The following RGS6 variants were observed in gnomAD, a reference collection of about 807,000 sequenced individuals.
The protein encoded by RGS6 is regulator of G protein signaling 6.
RGS6 carries 30 observed loss-of-function variants against 78.5 expected under a neutral mutation model. The observed-to-expected ratio is 0.38, with a 90% CI of 0.29 to 0.52. The LOEUF (loss-of-function observed/expected upper bound fraction) is 0.52. RGS6 is among the 20% of genes least tolerant of loss of function. The probability of loss-of-function intolerance (pLI) is 0.85; values close to 1 mark genes in which losing one functional copy is unlikely to be tolerated. For synonymous variants in RGS6, 206 were observed against 206.0 expected, an observed-to-expected ratio of 1.00 and a Z score of 0.00; for missense variants, 495 against 609.7, an observed-to-expected ratio of 0.81 and a Z score of 1.98.
At chr14:71,981,949 G>C (rs11851100) in intron 2 of RGS6, among the ~76,000 whole-genome samples, 1 of 151,450 alleles carries the variant, frequency 6.6e-6, no homozygotes, top group Admixed American at 6.6e-5. Flanking sequence ...CTCCGTGGGC[G>C]TAGGACCCTC....
Position 72,058,075 on chromosome 14 carries a change from GT to G in RGS6, c.84+93215del, listed in dbSNP as rs112257816. 3.9e-3 allele frequency among the ~76,000 whole-genome samples: 522 copies of G among 134,834 alleles called. 3 individuals carry two copies. Among genetic ancestry groups the G allele is most frequent in the South Asian group, 0.01 (41 of 4,096 alleles). 88.5% of individuals were successfully genotyped at this position (134,834 alleles called of 152,430 possible). On this transcript the variant is annotated intron_variant, in intron 2 of 17. Coordinates refer to ENST00000553525, the MANE Select transcript of RGS6 (RefSeq NM_001204424.2). Reference sequence around the variant, plus strand: ...CTATCATATTGTCAGTTTATGAGGTGTTTTTTTTTTTTTTTGCTTGTCTTCT... The same window carrying G: ...CTATCATATTGTCAGTTTATGAGGTGTTTTTTTTTTTTTTGCTTGTCTTCT...
chr14:72,086,680 C>T (rs142882841), intron 2 of RGS6, among the ~76,000 whole-genome samples: 231 of 152,318 alleles, frequency 1.5e-3, no homozygotes, highest in African/African-American at 5.2e-3. Flanking sequence ...ACCACCCTGC[C>T]TCCAATAATC....
In RGS6 at chr14:72,562,598, A is replaced by G. The variant is rs1378449560; in HGVS notation, c.*131A>G. On this transcript the variant is annotated 3_prime_UTR_variant, in exon 18 of 18. Transcript: ENST00000553525. ...TGAAGGAGAAAGAGTGAGGGCAATG[A>G]AGGGCGATGGTGGGGAGACTCGGTG... is the stretch of plus-strand genomic sequence containing the variant. 2.6e-6 allele frequency: 4 copies of G among 1,539,138 alleles called. No individual in the cohort carries two copies. Among genetic ancestry groups the G allele is most frequent in the Non-Finnish European group, 3.5e-6 (4 of 1,147,860 alleles).
Position 72,249,983 on chromosome 14 carries a change from C to T in RGS6, c.85-102112C>T, listed in dbSNP as rs187289423. Reference sequence around the variant, plus strand: ...GAAAACATCATTCTCAGTAAGCTGTCGCAAGAACAAAAAACCAAACACCGC... The same window carrying T: ...GAAAACATCATTCTCAGTAAGCTGTTGCAAGAACAAAAAACCAAACACCGC... On this transcript the variant is annotated intron_variant, in intron 2 of 17. Coordinates refer to ENST00000553525, the MANE Select transcript of RGS6 (RefSeq NM_001204424.2). 7.6e-3 allele frequency among the ~76,000 whole-genome samples: 1,142 copies of T among 150,306 alleles called. 15 individuals carry two copies. The highest frequency in any genetic ancestry group is 0.026 in the African/African-American group (1,054 of 40,772).
intron 3 of RGS6, among the ~76,000 whole-genome samples, chr14:72,437,553 G>T (rs902809432): frequency 6.6e-6 from 1 of 152,124 alleles, no homozygotes; most frequent in Non-Finnish European, 1.5e-5. Context: ...GCACCTGGGG[G>T]CAGGGGTAGT....
intron 7 of RGS6, among the ~76,000 whole-genome samples, chr14:72,467,279 A>G (rs930416697): frequency 1.3e-5 from 2 of 152,176 alleles, no homozygotes; most frequent in African/African-American, 4.8e-5. Context: ...TGAGCCATGA[A>G]TGACTGAAGG....
chr14:72,109,366 A>G lies in RGS6; in HGVS notation c.84+144491A>G, dbSNP rs143487216. On this transcript the variant is annotated intron_variant, in intron 2 of 17. Transcript: ENST00000553525. The stretch of plus-strand genomic sequence containing the variant: ...TTCATTGCTCTGTCTTTCGACATGT[A>G]GGGATTCTAGGAGTTCCAAAAACTG... 7.3e-3 allele frequency among the ~76,000 whole-genome samples: 1,106 copies of G among 152,306 alleles called. 37 individuals are homozygous for G. The highest frequency in any genetic ancestry group is 0.063 in the Admixed American group (964 of 15,286).
chr14:72,020,449 A>G (rs1299764550), intron 2 of RGS6, among the ~76,000 whole-genome samples: 4 of 152,178 alleles, frequency 2.6e-5, no homozygotes, highest in African/African-American at 9.7e-5. Context: ...GTACTTGGAA[A>G]AGCCTGTGGC....
chr14:72,184,968 A>G (rs2097219899), intron 2 of RGS6, among the ~76,000 whole-genome samples: 1 of 152,160 alleles, frequency 6.6e-6, no homozygotes, highest in South Asian at 2.1e-4. Context: ...CTGAGGAGCA[A>G]GGAAGCCAGT....
chr14:72,299,604 A>C (rs1405279814), intron 2 of RGS6, among the ~76,000 whole-genome samples: 1 of 152,242 alleles, frequency 6.6e-6, no homozygotes, highest in Non-Finnish European at 1.5e-5. Flanking sequence ...CCAGCAGTGC[A>C]GGAGGATTTC....
At chr14:72,154,734 T>G (rs888605757) in intron 2 of RGS6, among the ~76,000 whole-genome samples, 3 of 152,252 alleles carry the variant, frequency 2.0e-5, no homozygotes, top group Admixed American at 6.5e-5. Flanking sequence ...TTAGCCTTCC[T>G]TATTTTTTGC....
chr14:72,252,865 C>T (rs1340798194), intron 2 of RGS6, among the ~76,000 whole-genome samples: 1 of 152,186 alleles, frequency 6.6e-6, no homozygotes, highest in Non-Finnish European at 1.5e-5. Context: ...TCTATTAACT[C>T]TTGATCCTAG....
chr14:72,242,845 T>TC (rs1567560055), intron 2 of RGS6, among the ~76,000 whole-genome samples: 1 of 127,690 alleles, frequency 7.8e-6, no homozygotes, highest in Non-Finnish European at 1.6e-5. Context: ...TTTTCTTTTT[T>TC]TTTTTTTTTT....
At chr14:71,946,782 CA>C (rs1173497542) in intron 1 of RGS6, among the ~76,000 whole-genome samples, 2 of 152,070 alleles carry the variant, frequency 1.3e-5, no homozygotes, top group Admixed American at 1.3e-4. Context: ...AAGGAATGTG[CA>C]AAGAATATTT....
Position 72,149,038 on chromosome 14 carries a change from T to C in RGS6, c.84+184163T>C, listed in dbSNP as rs572711532. Among the ~76,000 whole-genome samples, 5 of 152,310 alleles carry C rather than the reference T, an allele frequency of 3.3e-5. No homozygotes were observed. The South Asian group carries it at 1.0e-3, about 32-fold the overall frequency. On this transcript the variant is annotated intron_variant, in intron 2 of 17. Coordinates refer to ENST00000553525, the MANE Select transcript of RGS6 (RefSeq NM_001204424.2). ...CCACTTGGTGTCAGCTGGGGGAGCC[T>C]GAGGCTGGGGTTGGAATCATAAGAC...
At chr14:72,356,581 C>T (rs1481224634) in intron 3 of RGS6, among the ~76,000 whole-genome samples, 2 of 152,070 alleles carry the variant, frequency 1.3e-5, no homozygotes, top group Non-Finnish European at 2.9e-5. Context: ...TGGCCAAGTC[C>T]CCACCCAAAT....
the RGS6 span, among the ~76,000 whole-genome samples, chr14:71,880,147 G>A: frequency 0.51 from 76,862 of 151,996 alleles, 19,740 homozygotes; most frequent in South Asian, 0.67. Flanking sequence ...TGAACTTGAG[G>A]GAGATGATTT....
intron 3 of RGS6, among the ~76,000 whole-genome samples, chr14:72,431,753 C>T (rs2094651685): frequency 6.6e-6 from 1 of 152,080 alleles, no homozygotes; most frequent in Admixed American, 6.6e-5. Context: ...ATCACCAGGC[C>T]CCCAAGGGAT....
chr14:72,048,819 A>G (rs1158301612), intron 2 of RGS6, among the ~76,000 whole-genome samples: 2 of 152,182 alleles, frequency 1.3e-5, no homozygotes, highest in Admixed American at 6.5e-5. Flanking sequence ...TAGCCATTGC[A>G]GTAATTTTTT....
Sources: gnomAD v4.1 joint callset for allele counts (sites outside exome capture counted in the v4.1 genomes callset) on GRCh38, gnomAD v4.1.1 for gene constraint, MANE v1.5 for transcripts, NCBI Gene and HGNC (gene_info 2026-07-23, HGNC 2026-07-21) for gene names.